The following SIN3A variants were observed in gnomAD, a reference collection of about 807,000 sequenced individuals.
SIN3A encodes paired amphipathic helix protein Sin3a.
In SIN3A, 14 loss-of-function variants were observed where a neutral mutation model predicts 146.1. The ratio of observed to expected loss-of-function variants is 0.10; its 90% CI spans 0.06 to 0.15. SIN3A has a LOEUF of 0.15. Among genes scored for constraint, SIN3A ranks in the 10% least tolerant of loss-of-function variants. The pLI is 1.00. For missense variants in SIN3A, 1,028 were observed against 1,576.0 expected, an observed-to-expected ratio of 0.65 and a Z score of 5.89; for synonymous variants, 572 against 572.0, an observed-to-expected ratio of 1.00 and a Z score of 0.00.
chr15:75,412,771 C>A lies in SIN3A; in HGVS notation c.748G>T (p.Val250Phe). ...ATTTTCCAAGTGCTCACCTTGCTGA[C>A]TTTGGCAGGTGGGGGCTGAGGAGCT... ...QPAPQPPPAK[V>F]SKPSQLQAHT... The change falls in exon 5 of 21, where the codon GTC becomes TTC. Residue 250 changes from valine (V) to phenylalanine (F), a missense_variant. This residue lies in a region of SIN3A where 112 missense variants were observed against 135.7 expected (regional missense o/e 0.83). Transcript: ENST00000394947. The A allele has an allele frequency of 6.3e-7, 1 of 1,579,212 alleles. No individual in the cohort carries two copies. Among genetic ancestry groups the A allele is most frequent in the Non-Finnish European group, 8.6e-7 (1 of 1,162,236 alleles).
intron 16 of SIN3A, among the ~76,000 whole-genome samples, 172 bp from the exon 17 acceptor site, chr15:75,384,609 T>G (rs1476973302): frequency 6.6e-6 from 1 of 152,154 alleles, no homozygotes; most frequent in African/African-American, 2.4e-5. Flanking sequence ...CTGTATCATT[T>G]TCTTGGAGAA....
intron 3 of SIN3A, chr15:75,415,761 G>C: frequency 6.2e-6 from 1 of 161,408 alleles, no homozygotes. Flanking sequence ...TGAGGCAGGG[G>C]AATCACTTGA....
Position 75,425,991 on chromosome 15 carries a change from T to G in SIN3A, c.190-3168A>C, listed in dbSNP as rs535333833. ...AGTAAAAAGAAACTATTTAGACAAT[T>G]CTAAAAGCTCTAATGTACCTCAAAG... On this transcript the variant is annotated intron_variant, in intron 2 of 20. Transcript: ENST00000394947. Among the ~76,000 whole-genome samples the G allele has an allele frequency of 6.6e-5, 10 of 152,306 alleles. No individual in the cohort carries two copies. The East Asian group carries it at 1.9e-3, about 29-fold the overall frequency.
In SIN3A at chr15:75,405,243, G is replaced by A. The variant is rs577679974; in HGVS notation, c.1407+1812C>T. Among the ~76,000 whole-genome samples the A allele has an allele frequency of 3.6e-4, 55 of 151,236 alleles. 3 individuals carry two copies. The South Asian group carries it at 0.01, about 28-fold the overall frequency. On this transcript the variant is annotated intron_variant, in intron 9 of 20. Transcript: ENST00000394947. Reference sequence around the variant, plus strand: ...TTAGCCAGGCGTTGTGGCGGGGCCTGTAATCCTAGCTACTCAGGAGGCTGA... The same window carrying A: ...TTAGCCAGGCGTTGTGGCGGGGCCTATAATCCTAGCTACTCAGGAGGCTGA...
intron 13 of SIN3A, 133 bp from the exon 14 acceptor site, chr15:75,394,996 G>T: frequency 1.4e-6 from 1 of 711,520 alleles, no homozygotes. Context: ...CTGGCAACTT[G>T]GGATGCTATC....
At chr15:75,454,445 G>C (rs1156441002), upstream of SIN3A, among the ~76,000 whole-genome samples, 3 of 151,294 alleles carry the variant, frequency 2.0e-5, no homozygotes, top group Admixed American at 2.0e-4. Flanking sequence ...CCGGCGCTCG[G>C]TGGACTGGGC....
chr15:75,439,451 C>T (rs142609583), intron 1 of SIN3A, among the ~76,000 whole-genome samples: 2,808 of 151,940 alleles, frequency 0.018, 44 homozygotes, highest in Middle Eastern at 0.051. Flanking sequence ...TGCCATTCTT[C>T]GGCCTCAGCC....
At chr15:75,452,256 A>G (rs542826514), upstream of SIN3A, among the ~76,000 whole-genome samples, 1 of 152,328 alleles carries the variant, frequency 6.6e-6, no homozygotes, top group Admixed American at 6.5e-5. Context: ...TCTAGGAAGG[A>G]GCTAATTCCA....
At chr15:75,399,103 G>A (rs1371606061) in intron 12 of SIN3A, among the ~76,000 whole-genome samples, 1 of 151,970 alleles carries the variant, frequency 6.6e-6, no homozygotes, top group Non-Finnish European at 1.5e-5. Flanking sequence ...TCGGTGGCGG[G>A]TAGGGGTGGG....
intron 19 of SIN3A, among the ~76,000 whole-genome samples, chr15:75,376,881 A>C (rs906100650): frequency 2.7e-5 from 4 of 150,036 alleles, no homozygotes; most frequent in Admixed American, 2.7e-4. Flanking sequence ...AAAAAAAAAA[A>C]AACCAACCAG....
intron 6 of SIN3A, among the ~76,000 whole-genome samples, 174 bp from the exon 7 acceptor site, chr15:75,410,460 G>C (rs2073612282): frequency 6.6e-6 from 1 of 151,984 alleles, no homozygotes; most frequent in Non-Finnish European, 1.5e-5. Flanking sequence ...AAAAGTTGAA[G>C]ATGGTGGATG....
At chr15:75,389,086 CAGAGT>C (rs1391263105) in intron 16 of SIN3A, among the ~76,000 whole-genome samples, 1 of 152,082 alleles carries the variant, frequency 6.6e-6, no homozygotes, top group East Asian at 1.9e-4. Context: ...GTGAGGTGGG[CAGAGT>C]ATTATAAAAG....
chr15:75,446,963 G>A (rs1056500357), intron 1 of SIN3A, among the ~76,000 whole-genome samples: 6 of 151,830 alleles, frequency 4.0e-5, no homozygotes, highest in Non-Finnish European at 7.4e-5. Context: ...TTTTTTAGTG[G>A]AGACCATGTT....
chr15:75,399,889 A>C (rs2073378940), intron 12 of SIN3A, 151 bp downstream of exon 12: 1 of 623,924 alleles, frequency 1.6e-6, no homozygotes. Context: ...TGACCAATGC[A>C]TAAAGCATGG....
At position 75,440,178 on chromosome 15, in the gene SIN3A, T is replaced by A. The variant is rs888677148; in HGVS notation, c.-33-9770A>T. 8.0e-5 allele frequency among the ~76,000 whole-genome samples: 12 copies of A among 150,530 alleles called. 1 individual carries two copies. Among genetic ancestry groups the A allele is most frequent in the East Asian group, 5.8e-4 (3 of 5,150 alleles). On this transcript the variant is annotated intron_variant, in intron 1 of 20. Coordinates refer to ENST00000394947, the MANE Select transcript of SIN3A (RefSeq NM_001145358.2). ...AAATAAATAAATAAATAAATAACTTTAAAAAAACCCCATATCGTTATTACT... is the reference window on the plus strand; with the variant it reads ...AAATAAATAAATAAATAAATAACTTAAAAAAAACCCCATATCGTTATTACT...
chr15:75,413,973 T>C (rs1346377136), intron 4 of SIN3A, among the ~76,000 whole-genome samples: 1 of 152,098 alleles, frequency 6.6e-6, no homozygotes, highest in Non-Finnish European at 1.5e-5. Context: ...ACTTCCCTGA[T>C]TGAGACAAAA....
intron 2 of SIN3A, among the ~76,000 whole-genome samples, chr15:75,428,371 T>C (rs773262310): frequency 1.3e-5 from 2 of 152,168 alleles, no homozygotes; most frequent in Non-Finnish European, 2.9e-5. Context: ...TGAAGTACAG[T>C]TGCTTGATCA....
intron 1 of SIN3A, among the ~76,000 whole-genome samples, chr15:75,449,673 G>C (rs1010259242): frequency 2.0e-5 from 3 of 152,188 alleles, no homozygotes; most frequent in African/African-American, 7.2e-5. Flanking sequence ...ACTATGTAGA[G>C]TATAAATAGA....
intron 2 of SIN3A, among the ~76,000 whole-genome samples, chr15:75,423,129 T>C (rs1280312902): frequency 6.6e-6 from 1 of 151,240 alleles, no homozygotes; most frequent in Non-Finnish European, 1.5e-5. Context: ...AAATAAAAAC[T>C]TGGCCAGGCA....
Sources: allele counts gnomAD v4.1 joint callset (sites outside exome capture counted in the v4.1 genomes callset), GRCh38; gene constraint gnomAD v4.1.1; regional missense constraint gnomAD v4.1.1; transcripts MANE v1.5; gene names NCBI Gene and HGNC (gene_info 2026-07-23, HGNC 2026-07-21).